The following NUCKS1 variants were observed in gnomAD, a reference collection of about 807,000 sequenced individuals.
NUCKS1 encodes nuclear casein kinase and cyclin dependent kinase substrate 1, also known as nuclear ubiquitous casein and cyclin-dependent kinase substrate 1.
In NUCKS1, 2 loss-of-function variants were observed where a neutral mutation model predicts 33.0. The observed-to-expected ratio is 0.06, with a 90% CI of 0.02 to 0.19. The LOEUF (loss-of-function observed/expected upper bound fraction) is 0.19, where lower values mean the gene tolerates loss of function less well. Ranked by LOEUF, NUCKS1 falls within the 10% of genes least tolerant of loss-of-function variation. The pLI, the probability that NUCKS1 is intolerant of heterozygous loss-of-function variation, is 1.00. For synonymous variants in NUCKS1, 106 were observed against 102.8 expected (o/e 1.03, Z -0.19); for missense variants, 201 against 293.6 (o/e 0.68, Z 2.31).
chr1:205,726,858 C>T (rs1472889959), intron 3 of NUCKS1, among the ~76,000 whole-genome samples: 1 of 152,186 alleles, frequency 6.6e-6, no homozygotes, highest in African/African-American at 2.4e-5. Flanking sequence ...TCACCATTAT[C>T]ACCAAGAAGG....
At chr1:205,718,617 A>C (rs918200878) in intron 6 of NUCKS1, 138 bp from the exon 7 acceptor site, 38 of 1,188,014 alleles carry the variant, frequency 3.2e-5, no homozygotes, top group Middle Eastern at 2.9e-4. Context: ...GGTGGGCACA[A>C]GGGAGCACAT....
intron 6 of NUCKS1, 143 bp downstream of exon 6, chr1:205,719,384 G>T: frequency 2.5e-6 from 2 of 793,644 alleles, no homozygotes; most frequent in Non-Finnish European, 4.0e-6. Context: ...TCCAGTTGCA[G>T]AATACAAGAC....
Position 205,744,630 on chromosome 1 carries a change from G to GTTTTTTTTTTTT in NUCKS1, c.17+5315_17+5326dup, listed in dbSNP as rs10672842. Reference sequence around the variant, plus strand: ...TGTGAAAATTCCTAAGTTCACTAGAGTTTTTTTTTTTTTTTTTTTGAGACG... The same window carrying GTTTTTTTTTTTT: ...TGTGAAAATTCCTAAGTTCACTAGAGTTTTTTTTTTTTTTTTTTTTTTTTTTTTTTTGAGACG... On this transcript the variant is annotated intron_variant, in intron 1 of 6. Coordinates refer to ENST00000367142, the MANE Select transcript of NUCKS1 (RefSeq NM_022731.5). Among the ~76,000 whole-genome samples, 101 of 87,762 alleles carry GTTTTTTTTTTTT rather than the reference G, an allele frequency of 1.2e-3. 7 individuals are homozygous for GTTTTTTTTTTTT. Among genetic ancestry groups the GTTTTTTTTTTTT allele is most frequent in the South Asian group, 1.9e-3 (4 of 2,160 alleles). 57.6% of individuals were successfully genotyped at this position (87,762 alleles called of 152,430 possible).
At chr1:205,724,940 A>G (rs1653700104) in intron 3 of NUCKS1, among the ~76,000 whole-genome samples, 1 of 152,218 alleles carries the variant, frequency 6.6e-6, no homozygotes, top group Non-Finnish European at 1.5e-5. Context: ...TTCAAAGTTC[A>G]ATGGAAAGTT....
At chr1:205,729,021 T>C (rs1653845015) in intron 2 of NUCKS1, among the ~76,000 whole-genome samples, 1 of 151,664 alleles carries the variant, frequency 6.6e-6, no homozygotes, top group Non-Finnish European at 1.5e-5. Context: ...CAGGCTGGAG[T>C]GCAGTGGCGC....
intron 1 of NUCKS1, among the ~76,000 whole-genome samples, chr1:205,734,810 G>A (rs140426021): frequency 0.022 from 3,302 of 152,146 alleles, 93 homozygotes; most frequent in African/African-American, 0.075. Flanking sequence ...CACAAGAATC[G>A]CTTGAACCCG....
At chr1:205,719,127 G>A (rs766122529) in intron 6 of NUCKS1, among the ~76,000 whole-genome samples, 5 of 152,212 alleles carry the variant, frequency 3.3e-5, no homozygotes, top group Admixed American at 6.5e-5. Flanking sequence ...AGTTCAGAAC[G>A]TGGAACTTAA....
At chr1:205,749,919 C>A in intron 1 of NUCKS1, 38 bp downstream of exon 1, 2 of 1,600,366 alleles carry the variant, frequency 1.2e-6, no homozygotes, top group Non-Finnish European at 1.7e-6. Flanking sequence ...GCCCCCATCC[C>A]CCTCCAACCC....
In NUCKS1 at chr1:205,744,554, T is replaced by C. The variant is rs182738955; in HGVS notation, c.17+5403A>G. Among the ~76,000 whole-genome samples the C allele has an allele frequency of 2.3e-3, 343 of 151,432 alleles. 1 individual carries two copies. The highest frequency in any genetic ancestry group is 8.0e-3 in the African/African-American group (332 of 41,280). On this transcript the variant is annotated intron_variant, in intron 1 of 6. Transcript: ENST00000367142. ...CTGAAAATTAAGTATTTTCATAACT[T>C]ACATGGTGGCAAAATATGATGACCT...
chr1:205,732,354 G>C (rs1174776338), intron 1 of NUCKS1, among the ~76,000 whole-genome samples: 1 of 152,210 alleles, frequency 6.6e-6, no homozygotes, highest in African/African-American at 2.4e-5. Flanking sequence ...ACAGAAAGTA[G>C]AGTGGTGGTT....
At chr1:205,723,736 T>C (rs1671959228) in intron 4 of NUCKS1, among the ~76,000 whole-genome samples, 190 bp downstream of exon 4, 1 of 152,166 alleles carries the variant, frequency 6.6e-6, no homozygotes, top group South Asian at 2.1e-4. Flanking sequence ...AATATGCATT[T>C]TAAAAAAGAT....
intron 5 of NUCKS1, 22 bp from the exon 6 acceptor site, chr1:205,719,698 A>ATCTCTTTAGATTAAGT: frequency 6.2e-7 from 1 of 1,603,436 alleles, no homozygotes; most frequent in East Asian, 2.2e-5. Context: ...GAAGAATTTC[A>ATCTCTTTAGATTAAGT]ACATCTAACT....
chr1:205,742,166 A>C (rs1298239219), intron 1 of NUCKS1, among the ~76,000 whole-genome samples: 1 of 152,148 alleles, frequency 6.6e-6, no homozygotes, highest in East Asian at 1.9e-4. Context: ...TCATTTTCTA[A>C]GTCATTTTAT....
At chr1:205,727,240 C>G (rs760156783) in intron 3 of NUCKS1, among the ~76,000 whole-genome samples, 1 of 152,174 alleles carries the variant, frequency 6.6e-6, no homozygotes, top group Non-Finnish European at 1.5e-5. Context: ...CCTGGGATTA[C>G]AAGCATGAGC....
intron 1 of NUCKS1, among the ~76,000 whole-genome samples, chr1:205,744,921 C>T (rs1005249475): frequency 2.0e-5 from 3 of 152,046 alleles, no homozygotes; most frequent in African/African-American, 4.8e-5. Context: ...CATGAGCCAC[C>T]GCGCCTGGCC....
chr1:205,731,443 T>G (rs1267186742), intron 1 of NUCKS1: 2 of 152,226 alleles, frequency 1.3e-5, no homozygotes, highest in African/African-American at 4.8e-5. Context: ...ATTTTTGTAC[T>G]CTGCACTCTA....
At chr1:205,738,580 C>A (rs913878374) in intron 1 of NUCKS1, among the ~76,000 whole-genome samples, 5 of 151,932 alleles carry the variant, frequency 3.3e-5, no homozygotes, top group Non-Finnish European at 5.9e-5. Context: ...TTGAGACAGG[C>A]ATGCTCGCTT....
intron 1 of NUCKS1, among the ~76,000 whole-genome samples, chr1:205,749,490 C>T (rs1452506035): frequency 3.3e-5 from 5 of 152,096 alleles, no homozygotes; most frequent in African/African-American, 9.7e-5. Context: ...AGGGCCCCCA[C>T]CCCCGCGCCA....
At chr1:205,747,411 C>T (rs1411288373) in intron 1 of NUCKS1, among the ~76,000 whole-genome samples, 1 of 152,162 alleles carries the variant, frequency 6.6e-6, no homozygotes, top group Non-Finnish European at 1.5e-5. Context: ...GTAAAGACAG[C>T]AATCTTGTAT....
Sources: allele counts gnomAD v4.1 joint callset (sites outside exome capture counted in the v4.1 genomes callset), GRCh38; gene constraint gnomAD v4.1.1; transcripts MANE v1.5; gene names NCBI Gene and HGNC (gene_info 2026-07-23, HGNC 2026-07-21).